Variants in PHF14 observed in about 807,000 individuals in gnomAD.
The protein encoded by PHF14 is PHD finger protein 14.
Under a neutral mutation model 117.9 loss-of-function variants are expected in PHF14, and 55 were observed. That is an observed-to-expected ratio of 0.47 (90% confidence interval 0.38 to 0.58). PHF14 has a LOEUF of 0.58. Ranked by LOEUF, PHF14 falls within the 20% of genes least tolerant of loss-of-function variation. The pLI, the probability that PHF14 is intolerant of heterozygous loss-of-function variation, is 0.00. For missense variants in PHF14, 978 were observed against 1,122.2 expected (o/e 0.87, Z 1.84); for synonymous variants, 409 against 368.6 (o/e 1.11, Z -1.26).
At chr7:11,113,811 G>A (rs1787519486) in intron 17 of PHF14, among the ~76,000 whole-genome samples, 1 of 152,132 alleles carries the variant, frequency 6.6e-6, no homozygotes, top group Admixed American at 6.6e-5. Flanking sequence ...TAAGAAGAAA[G>A]CATTGATAGA....
chr7:10,995,687 C>T (rs1782618758), intron 4 of PHF14, among the ~76,000 whole-genome samples: 2 of 152,218 alleles, frequency 1.3e-5, no homozygotes, highest in Admixed American at 1.3e-4. Flanking sequence ...AGGTTCCGAG[C>T]CCTGCCCCGC....
intron 7 of PHF14, among the ~76,000 whole-genome samples, chr7:11,033,359 C>T (rs1486958254): frequency 6.6e-6 from 1 of 152,102 alleles, no homozygotes; most frequent in Non-Finnish European, 1.5e-5. Flanking sequence ...TAGTCTATTG[C>T]ACTCTCCTAC....
chr7:10,992,306 A>G (rs1297489845), intron 4 of PHF14, among the ~76,000 whole-genome samples: 5 of 150,274 alleles, frequency 3.3e-5, no homozygotes, highest in Non-Finnish European at 7.4e-5. Context: ...CACCCGACTC[A>G]GCTTCCCAAA....
intron 3 of PHF14, among the ~76,000 whole-genome samples, chr7:10,988,825 GTAGA>G (rs1782340829): frequency 2.0e-5 from 3 of 152,124 alleles, no homozygotes; most frequent in African/African-American, 7.2e-5. Context: ...ACCTCCTGAA[GTAGA>G]TATTATTTTT....
Position 11,062,006 on chromosome 7 carries a change from C to G in PHF14, c.2575C>G (p.Gln859Glu). ...RERRQRQSVL[Q>E]KKPKAEDLRT... The stretch of plus-strand genomic sequence containing the variant: ...GAGAAGACAAAGACAGTCTGTGTTG[C>G]AAAAGAAGCCCAAGGCTGAAGATTT... The change falls in exon 16 of 18, where the codon CAA becomes GAA. Residue 859 changes from glutamine to glutamate, a missense_variant. This residue lies in a region of PHF14 where 180 missense variants were observed against 195.4 expected (regional missense o/e 0.92). Coordinates refer to ENST00000634607, the MANE Select transcript of PHF14 (RefSeq NM_001007157.2). 5 of 1,604,338 alleles carry G rather than the reference C, an allele frequency of 3.1e-6. No individual in the cohort carries two copies. Among genetic ancestry groups the G allele is most frequent in the Non-Finnish European group, 4.3e-6 (5 of 1,174,566 alleles).
At chr7:11,062,268 G>A in intron 16 of PHF14, 183 bp downstream of exon 16, 1 of 422,044 alleles carries the variant, frequency 2.4e-6, no homozygotes, top group Non-Finnish European at 4.1e-6. Context: ...TTATACTCTG[G>A]ATTTAAATGT....
chr7:11,006,880 A>G (rs536803630), intron 4 of PHF14: 15 of 579,830 alleles, frequency 2.6e-5, no homozygotes, highest in African/African-American at 2.1e-4. Context: ...TGTGAAAAGC[A>G]TAGTCATTTC....
At chr7:11,081,533 A>C (rs1786100720) in intron 16 of PHF14, among the ~76,000 whole-genome samples, 1 of 152,190 alleles carries the variant, frequency 6.6e-6, no homozygotes, top group South Asian at 2.1e-4. Flanking sequence ...CTGTGTGGGA[A>C]AACATTTAAG....
intron 16 of PHF14, chr7:11,104,874 A>AT (rs956158711): frequency 2.0e-4 from 197 of 963,650 alleles, no homozygotes; most frequent in Non-Finnish European, 2.3e-4. Flanking sequence ...CATAGGTAGT[A>AT]TTTTTTTTAA....
chr7:11,096,982 T>G (rs1786896870), intron 16 of PHF14, among the ~76,000 whole-genome samples: 1 of 149,766 alleles, frequency 6.7e-6, no homozygotes, highest in Non-Finnish European at 1.5e-5. Flanking sequence ...ACTTTTTTTT[T>G]TTTTTTTTTT....
intron 12 of PHF14, among the ~76,000 whole-genome samples, chr7:11,041,751 C>G (rs761756648): frequency 2.0e-5 from 3 of 151,858 alleles, no homozygotes; most frequent in Non-Finnish European, 2.9e-5. Flanking sequence ...CACTATGCTT[C>G]TGACTTTTAT....
chr7:11,004,852 A>G (rs776207401), intron 4 of PHF14, among the ~76,000 whole-genome samples: 4 of 152,088 alleles, frequency 2.6e-5, no homozygotes, highest in South Asian at 4.2e-4. Flanking sequence ...CTTGGTCAAC[A>G]TGGTGAAATC....
At chr7:11,102,159 ATT>A in intron 16 of PHF14, among the ~76,000 whole-genome samples, 1 of 151,946 alleles carries the variant, frequency 6.6e-6, no homozygotes, top group African/African-American at 2.4e-5. Flanking sequence ...TTGATTAAAT[ATT>A]TCCTTTTATA....
intron 12 of PHF14, among the ~76,000 whole-genome samples, chr7:11,041,136 A>C (rs1271958024): frequency 1.3e-5 from 2 of 152,082 alleles, no homozygotes; most frequent in African/African-American, 4.8e-5. Context: ...GATGGGTATC[A>C]TATATGTATA....
chr7:11,124,139 G>A (rs10950334), intron 17 of PHF14, among the ~76,000 whole-genome samples: 53,230 of 151,648 alleles, frequency 0.35, 9,948 homozygotes, highest in East Asian at 0.73. Context: ...TGTAAAAGTA[G>A]TAAATGGTCA....
intron 17 of PHF14, among the ~76,000 whole-genome samples, chr7:11,167,340 T>C (rs1212466056): frequency 6.6e-6 from 1 of 152,218 alleles, no homozygotes; most frequent in Admixed American, 6.5e-5. Flanking sequence ...TTATTTTTAT[T>C]TTCACTGTTG....
At chr7:11,141,776 C>T (rs538790553) in intron 17 of PHF14, among the ~76,000 whole-genome samples, 4 of 151,920 alleles carry the variant, frequency 2.6e-5, no homozygotes, top group South Asian at 2.1e-4. Flanking sequence ...CTAGTCTGAA[C>T]GTGTGTCTAA....
At chr7:11,078,862 T>A (rs1350059415) in intron 16 of PHF14, among the ~76,000 whole-genome samples, 1 of 152,176 alleles carries the variant, frequency 6.6e-6, no homozygotes, top group Non-Finnish European at 1.5e-5. Context: ...TCTTTTCCTT[T>A]CTGTAAAACA....
chr7:10,985,959 T>A (rs1334202183), intron 3 of PHF14, among the ~76,000 whole-genome samples: 1 of 151,914 alleles, frequency 6.6e-6, no homozygotes. Flanking sequence ...GGTCTCATTT[T>A]AAAATTTTTT....
Sources: allele counts gnomAD v4.1 joint callset (sites outside exome capture counted in the v4.1 genomes callset), GRCh38; gene constraint gnomAD v4.1.1; regional missense constraint gnomAD v4.1.1; transcripts MANE v1.5; gene names NCBI Gene and HGNC (gene_info 2026-07-23, HGNC 2026-07-21).